The following PLD1 variants were observed in gnomAD, a reference collection of about 807,000 sequenced individuals.
PLD1 encodes the protein phospholipase D1.
A neutral mutation model predicts 137.1 loss-of-function variants in PLD1; 112 were observed. The observed-to-expected ratio is 0.82, with a 90% confidence interval of 0.70 to 0.96. PLD1 has a LOEUF of 0.96. PLD1 is among the 40% of genes least tolerant of loss of function. The probability of loss-of-function intolerance (pLI) is 0.00; values close to 1 mark genes in which losing one functional copy is unlikely to be tolerated. For synonymous variants in PLD1, 431 were observed against 454.7 expected, an observed-to-expected ratio of 0.95 and a Z score of 0.66; for missense variants, 1,321 against 1,342.0, an observed-to-expected ratio of 0.98 and a Z score of 0.24.
At chr3:171,651,261 CGTT>C (rs1357973384) in intron 21 of PLD1, among the ~76,000 whole-genome samples, 2 of 151,992 alleles carry the variant, frequency 1.3e-5, no homozygotes, top group East Asian at 1.9e-4. Flanking sequence ...TAAATCGTCT[CGTT>C]GTAGATTTTG....
chr3:171,723,527 A>G (rs537066938), intron 8 of PLD1, among the ~76,000 whole-genome samples: 1 of 152,220 alleles, frequency 6.6e-6, no homozygotes, highest in South Asian at 2.1e-4. Context: ...CTCTATTTTG[A>G]GTTTTTTGAG....
chr3:171,788,372 C>A (rs959174463), intron 1 of PLD1, among the ~76,000 whole-genome samples: 6 of 149,658 alleles, frequency 4.0e-5, no homozygotes, highest in Non-Finnish European at 8.8e-5. Flanking sequence ...AAAAACCAAG[C>A]CAGGTTCACA....
intron 1 of PLD1, among the ~76,000 whole-genome samples, chr3:171,807,312 AG>A (rs1312846320): frequency 1.3e-5 from 2 of 152,168 alleles, no homozygotes; most frequent in Admixed American, 6.5e-5. Context: ...AAAGTTTAAA[AG>A]GTGCATTTCT....
At position 171,735,572 on chromosome 3, in the gene PLD1, C is replaced by A; in HGVS notation, c.354G>T (p.Arg118Ser). 6.3e-7 allele frequency: 1 copy of A among 1,598,212 alleles called. No individual in the cohort carries two copies. Among genetic ancestry groups the A allele is most frequent in the Non-Finnish European group, 8.6e-7 (1 of 1,165,538 alleles). Residue 118 changes from arginine (R) to serine (S), a missense_variant, in exon 4 of 27, where the codon AGG (arginine) becomes AGT (serine). Physicochemically the swap from Arg to Ser is moderately radical, Grantham distance 110. Transcript: ENST00000351298. ...GAAATTCTTGAAAATGCTTGAATTT[C>A]CTCTTAACTTGCCATTTAAATTCCC... ...THGEFKWQVK[R>S]KFKHFQEFHR... is the part of the protein sequence containing the mutation.
chr3:171,725,299 C>T (rs562333120), intron 7 of PLD1, among the ~76,000 whole-genome samples: 21 of 152,206 alleles, frequency 1.4e-4, no homozygotes, highest in African/African-American at 5.1e-4. Context: ...AGGGATGGTC[C>T]ACCTGCTGTT....
intron 23 of PLD1, among the ~76,000 whole-genome samples, chr3:171,634,917 C>CT (rs1172240808): frequency 3.3e-5 from 5 of 152,080 alleles, no homozygotes; most frequent in Non-Finnish European, 7.4e-5. Context: ...ACCCCACACT[C>CT]ATTAACAGTT....
intron 1 of PLD1, among the ~76,000 whole-genome samples, chr3:171,794,184 TGAGA>T (rs1723337087): frequency 6.6e-6 from 1 of 151,888 alleles, no homozygotes; most frequent in Non-Finnish European, 1.5e-5. Context: ...TAAGATATTT[TGAGA>T]GAGAGAGAAA....
At chr3:171,631,550 A>G (rs1331211251) in intron 23 of PLD1, among the ~76,000 whole-genome samples, 1 of 152,180 alleles carries the variant, frequency 6.6e-6, no homozygotes, top group Non-Finnish European at 1.5e-5. Flanking sequence ...ATTTTTCGCT[A>G]AAATAACCTA....
chr3:171,661,275 C>G (rs1228854044), intron 20 of PLD1, among the ~76,000 whole-genome samples: 2 of 152,056 alleles, frequency 1.3e-5, no homozygotes, highest in East Asian at 3.9e-4. Context: ...AAAAACAGGG[C>G]TAGAATGGTT....
chr3:171,625,307 G>A (rs1020737054), intron 23 of PLD1, among the ~76,000 whole-genome samples: 14 of 152,224 alleles, frequency 9.2e-5, no homozygotes, highest in South Asian at 2.1e-4. Context: ...GGGGAGGGGC[G>A]CCTGCCATTG....
At chr3:171,760,988 A>C (rs1160281814) in intron 1 of PLD1, among the ~76,000 whole-genome samples, 1 of 152,236 alleles carries the variant, frequency 6.6e-6, no homozygotes, top group Non-Finnish European at 1.5e-5. Context: ...ACACTGTAAA[A>C]ATATGGGGAA....
At position 171,696,847 on chromosome 3, in the gene PLD1, G is replaced by A. The variant is rs541790792; in HGVS notation, c.1227+2898C>T. On this transcript the variant is annotated intron_variant, in intron 12 of 26. Coordinates refer to ENST00000351298, the MANE Select transcript of PLD1 (RefSeq NM_002662.5). ...ATTTCTTTAGGAAATTTTAAATATC[G>A]CTACCCACAGTTTAAAAATTACCAG... Among the ~76,000 whole-genome samples, 45 of 151,878 alleles carry A rather than the reference G, an allele frequency of 3.0e-4. 1 individual carries two copies. In the South Asian group the frequency reaches 5.7e-3, roughly 19 times the overall value.
At chr3:171,723,108 T>C (rs1463588874) in intron 8 of PLD1, among the ~76,000 whole-genome samples, 1 of 152,208 alleles carries the variant, frequency 6.6e-6, no homozygotes, top group Non-Finnish European at 1.5e-5. Context: ...ATCCTATTTG[T>C]TTGTATCCAT....
At chr3:171,707,543 G>A (rs1231993437) in intron 11 of PLD1, among the ~76,000 whole-genome samples, 1 of 152,074 alleles carries the variant, frequency 6.6e-6, no homozygotes, top group African/African-American at 2.4e-5. Context: ...ACAAAATTTG[G>A]TAACAATAGA....
intron 19 of PLD1, among the ~76,000 whole-genome samples, chr3:171,672,586 C>T (rs1431989094): frequency 6.6e-6 from 1 of 151,682 alleles, no homozygotes; most frequent in Non-Finnish European, 1.5e-5. Context: ...CTCCTGGGCT[C>T]AAGCAATCCT....
intron 1 of PLD1, among the ~76,000 whole-genome samples, chr3:171,798,656 A>C (rs1252474196): frequency 1.3e-5 from 2 of 152,224 alleles, no homozygotes; most frequent in East Asian, 3.8e-4. Flanking sequence ...ATGTATGCTT[A>C]ACTTGTGCTT....
chr3:171,663,599 G>A (rs1475313498), intron 19 of PLD1, among the ~76,000 whole-genome samples: 1 of 152,210 alleles, frequency 6.6e-6, no homozygotes, highest in African/African-American at 2.4e-5. Context: ...CTGTGGCTGT[G>A]CACAGAAGAA....
At chr3:171,684,070 C>A (rs1714294161) in intron 16 of PLD1, among the ~76,000 whole-genome samples, 1 of 152,138 alleles carries the variant, frequency 6.6e-6, no homozygotes, top group African/African-American at 2.4e-5. Context: ...GGGTTGTAAA[C>A]AGATGTCAAG....
At chr3:171,611,745 C>T (rs1732674593) in intron 25 of PLD1, 1 of 431,640 alleles carries the variant, frequency 2.3e-6, no homozygotes, top group Non-Finnish European at 4.6e-6. Flanking sequence ...ATTTTAAAAA[C>T]TTAAATGGAA....
Sources: gnomAD v4.1 joint callset for allele counts (sites outside exome capture counted in the v4.1 genomes callset) on GRCh38, gnomAD v4.1.1 for gene constraint, MANE v1.5 for transcripts, NCBI Gene and HGNC (gene_info 2026-07-23, HGNC 2026-07-21) for gene names.